COL5A2: variants seen among roughly 807,000 people sequenced by gnomAD.
COL5A2 encodes collagen alpha-2(V) chain.
Under a neutral mutation model 208.2 loss-of-function variants are expected in COL5A2, and 23 were observed. That is an observed-to-expected ratio of 0.11 (90% confidence interval 0.08 to 0.16). The LOEUF is 0.16. Ranked by LOEUF, COL5A2 falls within the 10% of genes least tolerant of loss-of-function variation. The probability of loss-of-function intolerance (pLI) is 1.00; values close to 1 mark genes in which losing one functional copy is unlikely to be tolerated. For synonymous variants in COL5A2, 625 were observed against 628.5 expected, an observed-to-expected ratio of 0.99 and a Z score of 0.08; for missense variants, 1,590 against 1,956.4, an observed-to-expected ratio of 0.81 and a Z score of 3.53.
At chr2:189,233,880 A>G in the COL5A2 span, among the ~76,000 whole-genome samples, 4 of 151,628 alleles carry the variant, frequency 2.6e-5, no homozygotes, top group South Asian at 8.3e-4. Flanking sequence ...TTGACTTACA[A>G]TATTTTCCAG....
the COL5A2 span, among the ~76,000 whole-genome samples, chr2:189,308,533 T>C: frequency 1.3e-5 from 2 of 152,168 alleles, no homozygotes; most frequent in Non-Finnish European, 2.9e-5. Context: ...TGTCTAGGCC[T>C]TTTCCTTGAT....
intron 16 of COL5A2, 102 bp downstream of exon 16, chr2:189,078,405 AAAGGTGACC>A (rs1331090531): frequency 1.2e-6 from 1 of 849,282 alleles, no homozygotes; most frequent in Non-Finnish European, 2.0e-6. Context: ...GAAAAAAAAA[AAAGGTGACC>A]AGTACTATTA....
chr2:189,123,810 C>G (rs1346873591), intron 1 of COL5A2, among the ~76,000 whole-genome samples: 3 of 152,128 alleles, frequency 2.0e-5, no homozygotes, highest in Non-Finnish European at 4.4e-5. Flanking sequence ...GTCCTAACAA[C>G]CATCCTGGTA....
Position 189,092,385 on chromosome 2 carries a change from T to A in COL5A2, c.492A>T (p.Pro164=). 2 of 1,606,790 alleles carry A rather than the reference T, an allele frequency of 1.2e-6. No individual in the cohort carries two copies. Among genetic ancestry groups the A allele is most frequent in the Non-Finnish European group, 1.7e-6 (2 of 1,176,410 alleles). The change falls in exon 7 of 54, where the codon CCA becomes CCT. Residue 164 remains proline (P), a synonymous_variant. Coordinates refer to ENST00000374866, the MANE Select transcript of COL5A2 (RefSeq NM_000393.5). ...GAGCACCAGGTTGACCAGGAACACC[T>A]GGTTCTCCATCAATTCCCTGAGGTC... ...PRGPQGIDGE[P]GVPGQPGAPG... is the part of the protein sequence containing the mutation.
chr2:189,313,836 C>T, the COL5A2 span, among the ~76,000 whole-genome samples: 1 of 151,978 alleles, frequency 6.6e-6, no homozygotes, highest in African/African-American at 2.4e-5. Context: ...AAAGATCAAA[C>T]AAGATGAAGA....
At chr2:189,395,749 CA>C in the COL5A2 span, among the ~76,000 whole-genome samples, 18 of 149,044 alleles carry the variant, frequency 1.2e-4, no homozygotes, top group African/African-American at 4.2e-4. Context: ...ATTAAAAATA[CA>C]AAAAAAAATT....
chr2:189,386,609 T>C, the COL5A2 span, among the ~76,000 whole-genome samples: 4 of 152,150 alleles, frequency 2.6e-5, no homozygotes, highest in Admixed American at 2.0e-4. Context: ...CTCCAGAATC[T>C]GTAAGGAACT....
chr2:189,110,155 A>G, intron 2 of COL5A2, 70 bp downstream of exon 2: 1 of 1,165,964 alleles, frequency 8.6e-7, no homozygotes, highest in South Asian at 1.2e-5. Context: ...TGAATGCTGA[A>G]AGTGAAAAAC....
At position 189,097,350 on chromosome 2, in the gene COL5A2, T is replaced by C. The variant is rs1424372610; in HGVS notation, c.403-20A>G. ...AGGTCCCTAAAACAGAAAATGATGA[T>C]TATGCATGCAAAAATGTATACTTTC... On this transcript the variant is annotated intron_variant, in intron 5 of 53. Coordinates refer to ENST00000374866, the MANE Select transcript of COL5A2 (RefSeq NM_000393.5). The C allele has an allele frequency of 6.2e-7, 1 of 1,613,154 alleles. No homozygotes were observed. The highest frequency in any genetic ancestry group is 1.7e-5 in the Admixed American group (1 of 60,012).
At chr2:189,319,076 AT>A in the COL5A2 span, among the ~76,000 whole-genome samples, 1 of 152,234 alleles carries the variant, frequency 6.6e-6, no homozygotes, top group African/African-American at 2.4e-5. Context: ...AGAAAAAAAA[AT>A]AACCTTGCCT....
chr2:189,316,656 G>A, the COL5A2 span, among the ~76,000 whole-genome samples: 1 of 151,862 alleles, frequency 6.6e-6, no homozygotes, highest in Non-Finnish European at 1.5e-5. Context: ...CTTAATTCCT[G>A]GGTGGTGAAA....
At chr2:189,224,919 A>G (rs1164152188) in intron 1 of COL5A2, among the ~76,000 whole-genome samples, 2 of 152,148 alleles carry the variant, frequency 1.3e-5, no homozygotes, top group Non-Finnish European at 2.9e-5. Flanking sequence ...TTAAAAACCA[A>G]TTAAAATCTT....
the COL5A2 span, among the ~76,000 whole-genome samples, chr2:189,271,206 C>T: frequency 0.15 from 22,510 of 151,996 alleles, 2,854 homozygotes; most frequent in African/African-American, 0.34. Context: ...TCAAGACAAT[C>T]CCAAGCAAAA....
the COL5A2 span, among the ~76,000 whole-genome samples, chr2:189,361,694 T>C: frequency 6.6e-6 from 1 of 152,138 alleles, no homozygotes; most frequent in Non-Finnish European, 1.5e-5. Context: ...CTTTCTCTTT[T>C]CCTCTTTTGC....
chr2:189,299,941 A>T, the COL5A2 span, among the ~76,000 whole-genome samples: 4 of 152,220 alleles, frequency 2.6e-5, no homozygotes, highest in Non-Finnish European at 5.9e-5. Flanking sequence ...GACTTGTGTA[A>T]GGATGCCCTC....
intron 13 of COL5A2, 32 bp from the exon 14 acceptor site, chr2:189,080,063 T>C (rs1415319654): frequency 3.8e-6 from 6 of 1,580,946 alleles, no homozygotes; most frequent in South Asian, 1.1e-5. Context: ...TGTATTTGTA[T>C]CCTGTTTTTT....
chr2:189,431,395 C>T, the COL5A2 span, among the ~76,000 whole-genome samples: 9 of 152,052 alleles, frequency 5.9e-5, no homozygotes, highest in African/African-American at 2.2e-4. Context: ...ACACACTTCT[C>T]CGATCTAAAA....
chr2:189,096,686 T>C (rs961569844), intron 6 of COL5A2, among the ~76,000 whole-genome samples: 1 of 151,908 alleles, frequency 6.6e-6, no homozygotes, highest in Admixed American at 6.6e-5. Flanking sequence ...ATGTATTCTG[T>C]GCAGATAGGT....
At chr2:189,118,575 T>C (rs1687441060) in intron 1 of COL5A2, among the ~76,000 whole-genome samples, 1 of 152,146 alleles carries the variant, frequency 6.6e-6, no homozygotes, top group South Asian at 2.1e-4. Flanking sequence ...CAGTTCTCAA[T>C]GGCTCTTTGA....
Sources: allele counts gnomAD v4.1 joint callset (sites outside exome capture counted in the v4.1 genomes callset), GRCh38; gene constraint gnomAD v4.1.1; transcripts MANE v1.5; gene names NCBI Gene and HGNC (gene_info 2026-07-23, HGNC 2026-07-21).